Variants in RABGAP1L observed in about 807,000 individuals in gnomAD.
RABGAP1L encodes the protein rab GTPase-activating protein 1-like.
In RABGAP1L, 63 loss-of-function variants were observed where a neutral mutation model predicts 137.7. That is an observed-to-expected ratio of 0.46 (90% CI 0.37 to 0.56). The LOEUF is 0.56. Among genes scored for constraint, RABGAP1L ranks in the 20% least tolerant of loss-of-function variants. The pLI is 0.00. For synonymous variants in RABGAP1L, 431 were observed against 433.7 expected (o/e 0.99, Z 0.08); for missense variants, 1,095 against 1,244.0 (o/e 0.88, Z 1.80).
At chr1:174,400,714 G>A (rs1648470017) in intron 13 of RABGAP1L, among the ~76,000 whole-genome samples, 1 of 151,964 alleles carries the variant, frequency 6.6e-6, no homozygotes, top group South Asian at 2.1e-4. Context: ...TTTTGCCAGG[G>A]AGGAGGTGGC....
chr1:174,768,019 C>T (rs1685819384), intron 18 of RABGAP1L, among the ~76,000 whole-genome samples: 1 of 152,170 alleles, frequency 6.6e-6, no homozygotes, highest in African/African-American at 2.4e-5. Context: ...TCGGTTATCT[C>T]CACCTGGTCC....
In RABGAP1L at chr1:174,919,872, T is replaced by C. The variant is rs559205628; in HGVS notation, c.2341-37585T>C. On this transcript the variant is annotated intron_variant, in intron 19 of 25. Coordinates refer to ENST00000681986, the MANE Select transcript of RABGAP1L (RefSeq NM_001366446.1). The stretch of plus-strand genomic sequence containing the variant: ...GTCTCAAAACAAAACAAAAAAAGAA[T>C]TATTCAAACCAAATTGATGAAAAGT... Among the ~76,000 whole-genome samples the C allele has an allele frequency of 1.4e-4, 22 of 152,092 alleles. 1 individual carries two copies. In the East Asian group the frequency reaches 3.5e-3, roughly 24 times the overall value.
At position 174,420,199 on chromosome 1, in the gene RABGAP1L, CTT is replaced by C. The variant is rs36019314; in HGVS notation, c.1710+26072_1710+26073del. Among the ~76,000 whole-genome samples, 632 of 135,186 alleles carry C rather than the reference CTT, an allele frequency of 4.7e-3. 7 individuals are homozygous for C. Among genetic ancestry groups the C allele is most frequent in the African/African-American group, 0.013 (478 of 37,364 alleles). 88.7% of individuals were successfully genotyped at this position (135,186 alleles called of 152,430 possible). ...TTAAGGTTCTTGGAGGCCCAACCTC[CTT>C]TTTTTTTTTTTTTTTTTAAATGGAT... On this transcript the variant is annotated intron_variant, in intron 13 of 25. Coordinates refer to ENST00000681986, the MANE Select transcript of RABGAP1L (RefSeq NM_001366446.1).
At chr1:174,919,255 C>T (rs967295621) in intron 19 of RABGAP1L, among the ~76,000 whole-genome samples, 48 of 152,126 alleles carry the variant, frequency 3.2e-4, no homozygotes, top group African/African-American at 1.1e-3. Flanking sequence ...CGACCTCAGG[C>T]GATCCGCCCG....
chr1:174,376,602 T>C (rs1353491559), intron 12 of RABGAP1L, among the ~76,000 whole-genome samples: 1 of 152,184 alleles, frequency 6.6e-6, no homozygotes, highest in Non-Finnish European at 1.5e-5. Flanking sequence ...CATATAATCA[T>C]TTCAATAGAT....
chr1:174,375,143 A>G (rs1347283111), intron 12 of RABGAP1L, among the ~76,000 whole-genome samples: 2 of 152,018 alleles, frequency 1.3e-5, no homozygotes, highest in Non-Finnish European at 2.9e-5. Flanking sequence ...TATTCATTAC[A>G]TTTTCTACAT....
chr1:174,630,528 CTT>C (rs1237806959), intron 13 of RABGAP1L, among the ~76,000 whole-genome samples: 4 of 105,386 alleles, frequency 3.8e-5, no homozygotes, highest in African/African-American at 1.6e-4. Flanking sequence ...GTCCTGGACT[CTT>C]TTTGGTTGGT....
intron 16 of RABGAP1L, chr1:174,701,026 A>G: frequency 7.7e-7 from 1 of 1,293,380 alleles, no homozygotes; most frequent in Non-Finnish European, 1.0e-6. Flanking sequence ...TAATGGGCAC[A>G]TTTGGCTATT....
intron 13 of RABGAP1L, among the ~76,000 whole-genome samples, chr1:174,421,283 TAG>T (rs1297719855): frequency 6.6e-6 from 1 of 152,212 alleles, no homozygotes; most frequent in African/African-American, 2.4e-5. Context: ...TTGCTACCGT[TAG>T]AGTCTTACGT....
intron 11 of RABGAP1L, among the ~76,000 whole-genome samples, chr1:174,333,670 T>C (rs898634411): frequency 6.6e-6 from 1 of 152,202 alleles, no homozygotes. Context: ...TTTTAGCCCC[T>C]GAGGCTGCTC....
At chr1:174,350,086 G>A (rs1373096887) in intron 11 of RABGAP1L, among the ~76,000 whole-genome samples, 1 of 137,638 alleles carries the variant, frequency 7.3e-6, no homozygotes, top group Admixed American at 7.0e-5. Context: ...CTGGGCGGGG[G>A]GCTGACCCCC....
chr1:174,672,310 T>A (rs896584919), intron 14 of RABGAP1L, among the ~76,000 whole-genome samples: 27 of 143,894 alleles, frequency 1.9e-4, no homozygotes, highest in Non-Finnish European at 3.3e-4. Flanking sequence ...ATATGGAGTC[T>A]CCCTTTGTCA....
intron 11 of RABGAP1L, among the ~76,000 whole-genome samples, chr1:174,369,878 A>G (rs988740595): frequency 6.6e-6 from 1 of 152,196 alleles, no homozygotes; most frequent in Non-Finnish European, 1.5e-5. Context: ...TTTAAAGATG[A>G]TGAAACATTT....
chr1:174,652,628 G>C (rs1675622923), intron 14 of RABGAP1L, among the ~76,000 whole-genome samples: 1 of 152,188 alleles, frequency 6.6e-6, no homozygotes, highest in Non-Finnish European at 1.5e-5. Context: ...ACCAGCATAG[G>C]CTTCAGAACA....
At chr1:174,967,726 A>G (rs1475033789) in intron 20 of RABGAP1L, among the ~76,000 whole-genome samples, 2 of 151,924 alleles carry the variant, frequency 1.3e-5, no homozygotes, top group African/African-American at 2.4e-5. Context: ...GGCTCAAGCA[A>G]TCCTCCGGTC....
intron 13 of RABGAP1L, among the ~76,000 whole-genome samples, chr1:174,582,871 T>TAAAC (rs1351413332): frequency 2.0e-5 from 3 of 152,246 alleles, no homozygotes; most frequent in Non-Finnish European, 4.4e-5. Context: ...CTTCATTGTT[T>TAAAC]AGAAATCACA....
At chr1:174,224,139 C>A (rs1186992238) in intron 3 of RABGAP1L, among the ~76,000 whole-genome samples, 1 of 151,942 alleles carries the variant, frequency 6.6e-6, no homozygotes, top group Non-Finnish European at 1.5e-5. Context: ...GTAGGAAAAG[C>A]CAAATCACAA....
Position 174,489,482 on chromosome 1 carries a change from C to T in RABGAP1L, c.1710+95337C>T, listed in dbSNP as rs1193022878. Among the ~76,000 whole-genome samples the T allele has an allele frequency of 2.0e-5, 3 of 151,950 alleles. No homozygotes were observed. The East Asian group carries it at 5.8e-4, about 29-fold the overall frequency. ...TGCAAATCAAAACCACAATGAGATA[C>T]CATCTCACACCAGTTAGAATGGCGA... is the stretch of plus-strand genomic sequence containing the variant. On this transcript the variant is annotated intron_variant, in intron 13 of 25. Transcript: ENST00000681986.
chr1:174,973,077 G>A (rs1307527483), intron 21 of RABGAP1L, among the ~76,000 whole-genome samples: 1 of 152,076 alleles, frequency 6.6e-6, no homozygotes, highest in African/African-American at 2.4e-5. Context: ...TTTCAGATCT[G>A]GCCCTACTTT....
Sources: allele counts gnomAD v4.1 joint callset (sites outside exome capture counted in the v4.1 genomes callset), GRCh38; gene constraint gnomAD v4.1.1; transcripts MANE v1.5; gene names NCBI Gene and HGNC (gene_info 2026-07-23, HGNC 2026-07-21).